FDPS: variants seen among roughly 807,000 people sequenced by gnomAD.
FDPS encodes farnesyl diphosphate synthase.
Under a neutral mutation model 49.5 loss-of-function variants are expected in FDPS, and 29 were observed. That is an observed-to-expected ratio of 0.59 (90% CI 0.44 to 0.80). The LOEUF (loss-of-function observed/expected upper bound fraction) is 0.80, where lower values mean the gene tolerates loss of function less well. FDPS is among the 30% of genes least tolerant of loss of function. FDPS has a pLI of 0.00. For synonymous variants in FDPS, 172 were observed against 206.4 expected (o/e 0.83, Z 1.43); for missense variants, 414 against 525.6 (o/e 0.79, Z 2.08).
At chr1:155,316,855 A>G (rs1649494041) in intron 4 of FDPS, 2 of 152,180 alleles carry the variant, frequency 1.3e-5, no homozygotes, top group Non-Finnish European at 2.9e-5. Flanking sequence ...TGCAAGAAGT[A>G]TCACAGGGAA....
chr1:155,309,249 G>GT (rs951664124), intron 1 of FDPS: 8 of 152,322 alleles, frequency 5.3e-5, no homozygotes, highest in African/African-American at 1.9e-4. Flanking sequence ...AGCGATTCCT[G>GT]TGGGGCTTGG....
rs1649814371 is a variant in FDPS at position 155,318,784 on chromosome 1, T to C, written c.773+31T>C. On this transcript the variant is annotated intron_variant, in intron 7 of 10. Transcript: ENST00000368356. This position sits in a 1 kb window ranked among gnomAD's most constrained non-coding sequence, Gnocchi z 4.2. ...GGGAGGTGAGGGACAGCGCGAACCA[T>C]GTCTGGACAGCGAGGGAGGGCTCAG... The C allele has an allele frequency of 3.1e-6, 5 of 1,595,858 alleles. No homozygotes were observed. The highest frequency in any genetic ancestry group is 2.7e-5 in the African/African-American group (2 of 74,656).
At chr1:155,312,498 G>A in intron 4 of FDPS, 103 bp downstream of exon 4, 2 of 1,349,532 alleles carry the variant, frequency 1.5e-6, no homozygotes, top group Non-Finnish European at 1.0e-6. Flanking sequence ...TTGTGTTTGT[G>A]TTTCTTTGTC....
At chr1:155,310,300 AT>A in intron 3 of FDPS, 95 bp downstream of exon 3, 1 of 963,526 alleles carries the variant, frequency 1.0e-6, no homozygotes, top group South Asian at 1.5e-5. Context: ...CTTTTGACAG[AT>A]GTGAGAGAAA....
Position 155,311,200 on chromosome 1 carries a change from G to A in FDPS, c.339+995G>A, listed in dbSNP as rs923035979. 1.3e-4 allele frequency among the ~76,000 whole-genome samples: 20 copies of A among 152,256 alleles called. No individual in the cohort carries two copies. The East Asian group carries it at 3.5e-3, about 26-fold the overall frequency. ...CTAAAAATACAAAAATTAGCTGGGC[G>A]TGGTGGCGCCCACATGTAGTCCCAG... On this transcript the variant is annotated intron_variant, in intron 3 of 10. Coordinates refer to ENST00000368356, the MANE Select transcript of FDPS (RefSeq NM_002004.4).
rs1650076014 is a variant in FDPS, at chr1:155,319,833, G to A, written c.964G>A (p.Gly322Ser). Residue 322 changes from glycine to serine, a missense_variant, in exon 10 of 11, where the codon GGC (glycine) becomes AGC (serine). Coordinates refer to ENST00000368356, the MANE Select transcript of FDPS (RefSeq NM_002004.4). ...CCTCTTTGGGGACCCCAGTGTGACC[G>A]GCAAAATTGGCACTGACATCCAGGA... ...LDLFGDPSVT[G>S]KIGTDIQDNK... 7.4e-6 allele frequency: 12 copies of A among 1,614,124 alleles called. No homozygotes were observed. The highest frequency in any genetic ancestry group is 1.0e-5 in the Non-Finnish European group (12 of 1,180,034).
At chr1:155,316,428 G>T (rs565629784) in intron 4 of FDPS, among the ~76,000 whole-genome samples, 2 of 152,220 alleles carry the variant, frequency 1.3e-5, no homozygotes, top group African/African-American at 4.8e-5. Context: ...GTCCAACTTG[G>T]GCAACATGAC....
chr1:155,309,628 T>C (rs1648569879), intron 1 of FDPS, 161 bp from the exon 2 acceptor site: 1 of 598,484 alleles, frequency 1.7e-6, no homozygotes, highest in Admixed American at 3.2e-5. Context: ...GTTCCCTGCG[T>C]ATCCTTCCTG....
chr1:155,319,629 A>T lies in FDPS; in HGVS notation c.865A>T (p.Lys289Ter). 6.2e-7 allele frequency: 1 copy of T among 1,614,192 alleles called. No homozygotes were observed. ...CCTGCAGGCAGGAATTGATGGCGAG[A>T]AGGAGCACGCCAATGCCAAGAAGAT... ...AMYMAGIDGE[K>*]EHANAKKILL... Residue 289 changes from lysine (K) to a stop codon, truncating the protein, a stop_gained, in exon 9 of 11, where the codon AAG (lysine) becomes TAG (stop). Coordinates refer to ENST00000368356, the MANE Select transcript of FDPS (RefSeq NM_002004.4). LOFTEE classifies it high-confidence loss of function.
In FDPS at chr1:155,312,389, G is replaced by A. The variant is rs1439870268; in HGVS notation, c.474G>A (p.Val158=). The change falls in exon 4 of 11, where the codon GTG becomes GTA. Residue 158 remains valine (V), a synonymous_variant. Coordinates refer to ENST00000368356, the MANE Select transcript of FDPS (RefSeq NM_002004.4). ...GGGCCTGGACTGTGGGCTGGTGTGTGGAACTGGTGAGAGGGGTAGGGCAAG... is the reference window on the plus strand; with the variant it reads ...GGGCCTGGACTGTGGGCTGGTGTGTAGAACTGGTGAGAGGGGTAGGGCAAG... ...LQRAWTVGWC[V]ELLQAFFLVA... 1.9e-6 allele frequency: 3 copies of A among 1,613,968 alleles called. No individual in the cohort carries two copies. The highest frequency in any genetic ancestry group is 1.7e-5 in the Admixed American group (1 of 60,008).
intron 4 of FDPS, among the ~76,000 whole-genome samples, chr1:155,315,714 AAAATT>A (rs1313879490): frequency 6.6e-6 from 1 of 151,658 alleles, no homozygotes. Flanking sequence ...AAACAAAAAA[AAAATT>A]AGCCAGGCGT....
chr1:155,318,213 A>G lies in FDPS; in HGVS notation c.606A>G (p.Glu202=). Residue 202 remains glutamate, a synonymous_variant, in exon 6 of 11, where the codon GAA becomes GAG. Coordinates refer to ENST00000368356, the MANE Select transcript of FDPS (RefSeq NM_002004.4). The surrounding 1 kb of genome is among the most constrained non-coding windows in gnomAD (Gnocchi z 4.2). ...LDAINDANLL[E]ACIYRLLKLY... ...CCATCAATGATGCTAACCTCCTGGA[A>G]GCATGTATCTACCGCCTGCTGAAGC... is the stretch of plus-strand genomic sequence containing the variant. The G allele has an allele frequency of 1.2e-6, 2 of 1,614,106 alleles. No homozygotes were observed. The highest frequency in any genetic ancestry group is 1.7e-6 in the Non-Finnish European group (2 of 1,180,016).
intron 3 of FDPS, among the ~76,000 whole-genome samples, chr1:155,311,998 A>ATAAT (rs954587184): frequency 2.0e-5 from 3 of 152,118 alleles, no homozygotes; most frequent in African/African-American, 7.2e-5. Flanking sequence ...AAATAAATAA[A>ATAAT]TAAAAACAAA....
At chr1:155,316,973 G>C (rs1649508032) in intron 4 of FDPS, 3 of 152,196 alleles carry the variant, frequency 2.0e-5, no homozygotes, top group Non-Finnish European at 4.4e-5. Flanking sequence ...GGAAGTTACT[G>C]TCCCTGCTTC....
At position 155,317,966 on chromosome 1, in the gene FDPS, A is replaced by G; in HGVS notation, c.506A>G (p.Asp169Gly). Residue 169 changes from aspartate to glycine, a missense_variant, in exon 5 of 11, where the codon GAT becomes GGT. Coordinates refer to ENST00000368356, the MANE Select transcript of FDPS (RefSeq NM_002004.4). ...CTGCAAGCTTTCTTCCTGGTGGCAG[A>G]TGACATCATGGATTCATCCCTTACC... ...ELLQAFFLVA[D>G]DIMDSSLTRR... The G allele has an allele frequency of 6.2e-7, 1 of 1,613,094 alleles. No homozygotes were observed. Among genetic ancestry groups the G allele is most frequent in the Non-Finnish European group, 8.5e-7 (1 of 1,180,038 alleles).
At position 155,320,646 on chromosome 1, in the gene FDPS, A is replaced by G. The variant is rs943058478; in HGVS notation, c.*37A>G. 5 of 1,607,994 alleles carry G rather than the reference A, an allele frequency of 3.1e-6. No individual in the cohort carries two copies. The highest frequency in any genetic ancestry group is 2.2e-5 in the East Asian group (1 of 44,842). ...CAAGGGCGGGGAGAGGAGGCTCTCA[A>G]TAAATAATCGTGTAACCTTCTTGTG... is the stretch of plus-strand genomic sequence containing the variant. On this transcript the variant is annotated 3_prime_UTR_variant, in exon 11 of 11. Coordinates refer to ENST00000368356, the MANE Select transcript of FDPS (RefSeq NM_002004.4).
chr1:155,320,583 C>G lies in FDPS; in HGVS notation c.1234C>G (p.Arg412Gly). The G allele has an allele frequency of 6.2e-7, 1 of 1,614,126 alleles. No homozygotes were observed. Among genetic ancestry groups the G allele is most frequent in the Non-Finnish European group, 8.5e-7 (1 of 1,180,016 alleles). Residue 412 changes from arginine to glycine, a missense_variant, in exon 11 of 11, where the codon CGC (arginine) becomes GGC (glycine). Arg to Gly is a moderately radical substitution (Grantham distance 125). Coordinates refer to ENST00000368356, the MANE Select transcript of FDPS (RefSeq NM_002004.4). ...LPPAVFLGLA[R>G]KIYKRRK ...CCCAGCCGTCTTTCTGGGGCTTGCGCGCAAAATCTACAAGCGGAGAAAGTG... is the reference window on the plus strand; with the variant it reads ...CCCAGCCGTCTTTCTGGGGCTTGCGGGCAAAATCTACAAGCGGAGAAAGTG...
intron 1 of FDPS, 125 bp downstream of exon 1, chr1:155,309,090 ACT>A (rs1648507684): frequency 6.6e-6 from 1 of 152,364 alleles, no homozygotes; most frequent in South Asian, 2.1e-4. Context: ...GGTGGGCTAG[ACT>A]GGCTGGCCTT....
At chr1:155,312,678 G>T in intron 4 of FDPS, 1 of 306,442 alleles carries the variant, frequency 3.3e-6, no homozygotes, top group Non-Finnish European at 6.2e-6. Context: ...AGCAGAGGAT[G>T]GCTATAAAAG....
Sources: gnomAD v4.1 joint callset for allele counts (sites outside exome capture counted in the v4.1 genomes callset) on GRCh38, gnomAD v4.1.1 for gene constraint, Gnocchi (gnomAD v3.1) non-coding constraint, MANE v1.5 for transcripts, NCBI Gene and HGNC (gene_info 2026-07-23, HGNC 2026-07-21) for gene names.